TEX26: variants seen among roughly 807,000 people sequenced by gnomAD.
TEX26 encodes the protein testis-expressed protein 26.
Under a neutral mutation model 35.3 loss-of-function variants are expected in TEX26, and 34 were observed. The ratio of observed to expected loss-of-function variants is 0.96; its 90% CI spans 0.73 to 1.28. TEX26 has a LOEUF of 1.28. Among genes scored for constraint, TEX26 ranks in the 50% most tolerant of loss-of-function variants. The pLI is 0.00. For missense variants in TEX26, 371 were observed against 330.1 expected (o/e 1.12, Z -0.96); for synonymous variants, 136 against 111.8 (o/e 1.22, Z -1.36).
chr13:30,966,176 T>G (rs376895576), intron 4 of TEX26, 46 bp from the exon 5 acceptor site: 2 of 1,609,752 alleles, frequency 1.2e-6, no homozygotes, highest in African/African-American at 1.3e-5. Flanking sequence ...TTAGCTACTT[T>G]GTTCACAAGG....
At chr13:30,933,092 CCAAAGG>C (rs967747936) in intron 1 of TEX26, 4 of 272,330 alleles carry the variant, frequency 1.5e-5, no homozygotes, top group Admixed American at 4.7e-5. Flanking sequence ...GAAAACAGGG[CCAAAGG>C]CAAAGAAGAA....
At chr13:30,971,259 A>T (rs1954702033) in intron 6 of TEX26, among the ~76,000 whole-genome samples, 1 of 152,242 alleles carries the variant, frequency 6.6e-6, no homozygotes, top group African/African-American at 2.4e-5. Context: ...GGTGAATATC[A>T]CAGCAGAGCT....
chr13:30,941,533 T>G, intron 2 of TEX26, among the ~76,000 whole-genome samples: 1 of 152,206 alleles, frequency 6.6e-6, no homozygotes, highest in East Asian at 1.9e-4. Context: ...ACAGGTGGTT[T>G]TTGGTTACAT....
At chr13:30,935,086 A>G (rs1465740285) in intron 1 of TEX26, among the ~76,000 whole-genome samples, 3 of 152,170 alleles carry the variant, frequency 2.0e-5, no homozygotes, top group Admixed American at 2.0e-4. Context: ...TCACCCATCC[A>G]TCCCTGCAGG....
chr13:30,959,996 T>C (rs143246791), intron 4 of TEX26, among the ~76,000 whole-genome samples: 2 of 152,336 alleles, frequency 1.3e-5, no homozygotes, highest in South Asian at 2.1e-4. Flanking sequence ...TGGAAAAATG[T>C]GTTGAAGGGA....
At chr13:30,935,476 A>G (rs540802677) in intron 1 of TEX26, among the ~76,000 whole-genome samples, 86 of 146,772 alleles carry the variant, frequency 5.9e-4, no homozygotes, top group African/African-American at 2.2e-3. Context: ...GGAAGAGGAC[A>G]GCAGCCAGAG....
At chr13:30,966,738 C>G (rs1463655797) in intron 5 of TEX26, among the ~76,000 whole-genome samples, 2 of 152,102 alleles carry the variant, frequency 1.3e-5, no homozygotes, top group Non-Finnish European at 2.9e-5. Flanking sequence ...AGGCATGAGC[C>G]CAGCCCAGCT....
chr13:30,969,051 G>A lies in TEX26; in HGVS notation c.808+5G>A, dbSNP rs567904070. The A allele has an allele frequency of 4.1e-5, 66 of 1,610,450 alleles. No individual in the cohort carries two copies. The South Asian group carries it at 7.0e-4, about 17-fold the overall frequency. ...TTCAGAGTCTTTCCTACAAAGGTAA[G>A]ATGAGGTCTTATTTCACACACTTAC... On this transcript the variant is annotated splice_donor_5th_base_variant and intron_variant, in intron 6 of 6. Transcript: ENST00000380473.
Position 30,936,681 on chromosome 13 carries a change from T to C in TEX26, c.62-3013T>C, listed in dbSNP as rs1013266149. The C allele has an allele frequency of 9.1e-6, 9 of 985,456 alleles. No individual in the cohort carries two copies. In the South Asian group the frequency reaches 3.8e-4, roughly 41 times the overall value. The allele number at this position is 985,456 out of a possible 1,614,324, so 61.0% of individuals were successfully genotyped here. A position where few individuals can be genotyped will look rare whatever the true frequency, so the allele number is the denominator to read the frequency against. Reference sequence around the variant, plus strand: ...GTTCTCCAAGGCCAGGTCAAGACTCTGTGTCCCAGTGCTCCACAGGGCTGG... The same window carrying C: ...GTTCTCCAAGGCCAGGTCAAGACTCCGTGTCCCAGTGCTCCACAGGGCTGG... On this transcript the variant is annotated intron_variant, in intron 1 of 6. Coordinates refer to ENST00000380473, the MANE Select transcript of TEX26 (RefSeq NM_152325.3).
At chr13:30,962,892 G>C (rs2138309292) in intron 4 of TEX26, among the ~76,000 whole-genome samples, 1 of 151,608 alleles carries the variant, frequency 6.6e-6, no homozygotes, top group African/African-American at 2.4e-5. Flanking sequence ...GCCTGATCTT[G>C]GCTCACTGCA....
chr13:30,955,846 A>C (rs1034719977), intron 3 of TEX26, among the ~76,000 whole-genome samples: 1 of 152,068 alleles, frequency 6.6e-6, no homozygotes, highest in South Asian at 2.1e-4. Context: ...CCGTCACAGC[A>C]TGTGTGAGTG....
intron 4 of TEX26, among the ~76,000 whole-genome samples, chr13:30,962,082 G>T (rs372014771): frequency 2.6e-5 from 4 of 152,128 alleles, no homozygotes; most frequent in Admixed American, 6.5e-5. Context: ...TTATCCATAG[G>T]TTCCCTCCAA....
At chr13:30,940,921 C>T (rs983734317) in intron 2 of TEX26, among the ~76,000 whole-genome samples, 4 of 152,016 alleles carry the variant, frequency 2.6e-5, no homozygotes, top group African/African-American at 9.7e-5. Flanking sequence ...CTGTGTGACA[C>T]AGCGAGGCTC....
chr13:30,947,792 G>T (rs1953767395), intron 2 of TEX26, among the ~76,000 whole-genome samples: 1 of 151,872 alleles, frequency 6.6e-6, no homozygotes, highest in South Asian at 2.1e-4. Context: ...ACAATGTACA[G>T]GTTTGCTACA....
chr13:30,945,371 G>C (rs975335588), intron 2 of TEX26, among the ~76,000 whole-genome samples: 3 of 151,754 alleles, frequency 2.0e-5, no homozygotes, highest in African/African-American at 7.2e-5. Flanking sequence ...GAAGACAGCA[G>C]ATATTCTGTG....
chr13:30,942,167 G>A (rs183049672), intron 2 of TEX26, among the ~76,000 whole-genome samples: 96 of 152,224 alleles, frequency 6.3e-4, no homozygotes, highest in African/African-American at 2.3e-3. Flanking sequence ...ATCGTTGCCA[G>A]CATCTATTGG....
At chr13:30,938,647 A>C (rs1252884536) in intron 1 of TEX26, among the ~76,000 whole-genome samples, 1 of 152,200 alleles carries the variant, frequency 6.6e-6, no homozygotes, top group Non-Finnish European at 1.5e-5. Flanking sequence ...TTAAGTTCCC[A>C]ATACACAACA....
At chr13:30,958,877 C>A (rs1054748813) in intron 4 of TEX26, among the ~76,000 whole-genome samples, 1 of 152,232 alleles carries the variant, frequency 6.6e-6, no homozygotes, top group African/African-American at 2.4e-5. Context: ...TTCTCTGCTT[C>A]CCTTCATAAA....
chr13:30,939,284 G>C (rs894557199), intron 1 of TEX26, among the ~76,000 whole-genome samples: 2 of 152,188 alleles, frequency 1.3e-5, no homozygotes, highest in Admixed American at 6.5e-5. Flanking sequence ...AACTTGATGT[G>C]TGTAATATGA....
Sources: gnomAD v4.1 joint callset for allele counts (sites outside exome capture counted in the v4.1 genomes callset) on GRCh38, gnomAD v4.1.1 for gene constraint, MANE v1.5 for transcripts, NCBI Gene and HGNC (gene_info 2026-07-23, HGNC 2026-07-21) for gene names.